BBS2: variants seen among roughly 807,000 people sequenced by gnomAD.
BBS2 encodes Bardet-Biedl syndrome 2.
In BBS2, 62 loss-of-function variants were observed where a neutral mutation model predicts 83.0. The ratio of observed to expected loss-of-function variants is 0.75; its 90% CI spans 0.61 to 0.92. The LOEUF is 0.92. BBS2 is among the 40% of genes least tolerant of loss of function. BBS2 has a pLI of 0.00. For synonymous variants in BBS2, 303 were observed against 326.1 expected, an observed-to-expected ratio of 0.93 and a Z score of 0.76; for missense variants, 784 against 901.0, an observed-to-expected ratio of 0.87 and a Z score of 1.66.
intron 15 of BBS2, among the ~76,000 whole-genome samples, chr16:56,487,383 T>C (rs1379549867): frequency 3.3e-5 from 5 of 152,108 alleles, no homozygotes; most frequent in African/African-American, 4.8e-5. Context: ...AGATAGTTAG[T>C]AAAGGGCACA....
intron 1 of BBS2, among the ~76,000 whole-genome samples, chr16:56,518,952 G>C (rs990245228): frequency 6.6e-6 from 1 of 152,222 alleles, no homozygotes; most frequent in East Asian, 1.9e-4. Flanking sequence ...TACGGGGAAA[G>C]AACTGAATGT....
At chr16:56,516,797 G>C (rs1456080803) in intron 1 of BBS2, among the ~76,000 whole-genome samples, 3 of 152,100 alleles carry the variant, frequency 2.0e-5, no homozygotes, top group Non-Finnish European at 4.4e-5. Context: ...TAGACATGCA[G>C]GCTTTAACCC....
rs559436980 is a variant in BBS2 at position 56,485,434 on chromosome 16, G to A, written c.2059+156C>T. Among the ~76,000 whole-genome samples, 9 of 152,240 alleles carry A rather than the reference G, an allele frequency of 5.9e-5. No individual in the cohort carries two copies. The South Asian group carries it at 1.0e-3, about 18-fold the overall frequency. On this transcript the variant is annotated intron_variant, in intron 16 of 16. Transcript: ENST00000245157. ...GGAGACAAAAGCCAAACACTAGGCC[G>A]ACTGACTGAAACATAAGTGACTGGT...
chr16:56,484,669 C>T lies in BBS2; in HGVS notation c.*92G>A, dbSNP rs145896017. The T allele has an allele frequency of 6.4e-5, 65 of 1,013,284 alleles. 1 individual carries two copies. The East Asian group carries it at 8.8e-4, about 14-fold the overall frequency. 62.8% of individuals were successfully genotyped at this position (1,013,284 alleles called of 1,614,324 possible). Reference sequence around the variant, plus strand: ...CAAGGTTATTTTCATTCTTAGCACCCGGGGTTCACCAGGGTGTGATCCAAA... The same window carrying T: ...CAAGGTTATTTTCATTCTTAGCACCTGGGGTTCACCAGGGTGTGATCCAAA... On this transcript the variant is annotated 3_prime_UTR_variant, in exon 17 of 17. Coordinates refer to ENST00000245157, the MANE Select transcript of BBS2 (RefSeq NM_031885.5).
Position 56,506,103 on chromosome 16 carries a change from G to A in BBS2, c.717+17C>T. 1 of 1,611,736 alleles carries A rather than the reference G, an allele frequency of 6.2e-7. No homozygotes were observed. The highest frequency in any genetic ancestry group is 1.1e-5 in the South Asian group (1 of 91,036). On this transcript the variant is annotated intron_variant, in intron 6 of 16. Transcript: ENST00000245157. ...AACTATCAAGCGCCTGAATATCAAA[G>A]GCTAAATTATACTAACTTTAATTCT... is the stretch of plus-strand genomic sequence containing the variant.
At chr16:56,473,394 G>A (rs1397813750) in intron 17 of BBS2, among the ~76,000 whole-genome samples, 4 of 152,216 alleles carry the variant, frequency 2.6e-5, no homozygotes, top group African/African-American at 9.7e-5. Context: ...CCTGTGTTGA[G>A]CATTTAGATT....
Position 56,505,974 on chromosome 16 carries a change from C to A in BBS2, c.780G>T (p.Leu260=). 6.2e-7 allele frequency: 1 copy of A among 1,613,890 alleles called. No individual in the cohort carries two copies. The highest frequency in any genetic ancestry group is 1.1e-5 in the South Asian group (1 of 91,018). The change falls in exon 7 of 17, where the codon CTG becomes CTT. Residue 260 remains leucine (L), a synonymous_variant. Coordinates refer to ENST00000245157, the MANE Select transcript of BBS2 (RefSeq NM_031885.5). ...CCTTCCCATTGGACCAACCAGTTAT[C>A]AGTTCATTCACTCCATCAGAATTAA... is the stretch of plus-strand genomic sequence containing the variant. ...FDLNSDGVNE[L]ITGWSNGKVD...
Position 56,485,642 on chromosome 16 carries a change from C to A in BBS2, c.2007G>T (p.Leu669Phe). 6.2e-7 allele frequency: 1 copy of A among 1,614,108 alleles called. No individual in the cohort carries two copies. The highest frequency in any genetic ancestry group is 1.1e-5 in the South Asian group (1 of 91,066). Residue 669 changes from leucine (L) to phenylalanine (F), a missense_variant, in exon 16 of 17, where the codon TTG becomes TTT. Transcript: ENST00000245157. ...KIRCNNHTEL[L>F]GNLKAVNQAI... The stretch of plus-strand genomic sequence containing the variant: ...CTTGATTTACTGCTTTGAGGTTTCC[C>A]AACAGCTCTGTGTGATTGTTACAGC...
chr16:56,497,715 C>T (rs1311625873), intron 14 of BBS2, 28 bp downstream of exon 14: 4 of 1,611,924 alleles, frequency 2.5e-6, no homozygotes, highest in Admixed American at 3.3e-5. Flanking sequence ...ACCACATTCT[C>T]ACAAATGCAT....
Position 56,511,163 on chromosome 16 carries a change from C to A in BBS2, c.467G>T (p.Trp156Leu). The change falls in exon 3 of 17, where the codon TGG (tryptophan) becomes TTG (leucine). Residue 156 changes from tryptophan to leucine, a missense_variant. Trp to Leu is a moderately conservative substitution (Grantham distance 61). Coordinates refer to ENST00000245157, the MANE Select transcript of BBS2 (RefSeq NM_031885.5). ...GFNHEGSDLF[W>L]TVTGDNVNSL... ...AGAATGTTTTCTTCTTCATACCGTCCAAAAGAGATCACTTCCTTCATGATT... is the reference window on the plus strand; with the variant it reads ...AGAATGTTTTCTTCTTCATACCGTCAAAAAGAGATCACTTCCTTCATGATT... 6.2e-7 allele frequency: 1 copy of A among 1,613,982 alleles called. No individual in the cohort carries two copies.
At position 56,506,216 on chromosome 16, in the gene BBS2, G is replaced by C; in HGVS notation, c.621C>G (p.Thr207=). 6.2e-7 allele frequency: 1 copy of C among 1,612,998 alleles called. No homozygotes were observed. The highest frequency in any genetic ancestry group is 8.5e-7 in the Non-Finnish European group (1 of 1,179,168). ...VAEMTETEIV[T]SLCPMYGSRF... ...GACTGCCATACATGGGACAAAGAGA[G>C]GTGACTATCTGCAAAACAATCCACA... is the stretch of plus-strand genomic sequence containing the variant. Residue 207 remains threonine, a synonymous_variant, in exon 6 of 17, where the codon ACC becomes ACG. Transcript: ENST00000245157.
intron 17 of BBS2, chr16:56,477,824 T>TTTA (rs1567560668): frequency 6.6e-6 from 1 of 152,034 alleles, no homozygotes; most frequent in East Asian, 1.9e-4. Context: ...ACTTCTTAAC[T>TTTA]ACTCTTCTCT....
chr16:56,490,671 G>T (rs1274161742), intron 15 of BBS2, among the ~76,000 whole-genome samples: 1 of 151,882 alleles, frequency 6.6e-6, no homozygotes, highest in African/African-American at 2.4e-5. Flanking sequence ...TTAAGAAAAT[G>T]ACTTACATTT....
intron 10 of BBS2, 31 bp from the exon 11 acceptor site, chr16:56,501,056 C>T (rs756451506): frequency 3.1e-6 from 5 of 1,612,306 alleles, no homozygotes; most frequent in Non-Finnish European, 4.2e-6. Context: ...AGTTTAAGAA[C>T]AACTCCAACT....
rs1370032312 is a variant in BBS2 at position 56,473,136 on chromosome 16, T to C, written c.*1-2441A>G. Among the ~76,000 whole-genome samples, 7 of 152,148 alleles carry C rather than the reference T, an allele frequency of 4.6e-5. No homozygotes were observed. In the East Asian group the frequency reaches 1.2e-3, roughly 25 times the overall value. On this transcript the variant is annotated intron_variant, in intron 17 of 17. Transcript: ENST00000682047. ...TAGTAGAGACGGGGTTTCACCGTGT[T>C]AGCCAGGATGGTCTCCATCTCTTGA...
At chr16:56,488,564 T>A (rs1277333557) in intron 15 of BBS2, among the ~76,000 whole-genome samples, 1 of 152,226 alleles carries the variant, frequency 6.6e-6, no homozygotes, top group Non-Finnish European at 1.5e-5. Flanking sequence ...ATGCCCTCCC[T>A]AGGTGCATCA....
At chr16:56,477,446 T>C (rs1963534701) in intron 17 of BBS2, 1 of 152,274 alleles carries the variant, frequency 6.6e-6, no homozygotes, top group Non-Finnish European at 1.5e-5. Flanking sequence ...GCCCACTGCC[T>C]TTCCATCCTG....
At position 56,495,252 on chromosome 16, in the gene BBS2, A is replaced by G. The variant is rs796453850; in HGVS notation, c.1910+1715T>C. On this transcript the variant is annotated intron_variant, in intron 15 of 16. Transcript: ENST00000245157. ...AGAATAACAGAATTAGAATATCACT[A>G]TTTTGCAAACCCCAAAAGAAATAAT... 1.8e-4 allele frequency among the ~76,000 whole-genome samples: 28 copies of G among 152,314 alleles called. 1 individual carries two copies. The highest frequency in any genetic ancestry group is 6.7e-4 in the African/African-American group (28 of 41,574).
At chr16:56,514,223 T>C (rs1347859342) in intron 2 of BBS2, among the ~76,000 whole-genome samples, 1 of 152,206 alleles carries the variant, frequency 6.6e-6, no homozygotes, top group Non-Finnish European at 1.5e-5. Flanking sequence ...ATCACAGATA[T>C]ACCTCATAGA....
Sources: allele counts gnomAD v4.1 joint callset (sites outside exome capture counted in the v4.1 genomes callset), GRCh38; gene constraint gnomAD v4.1.1; transcripts MANE v1.5; gene names NCBI Gene and HGNC (gene_info 2026-07-23, HGNC 2026-07-21).